Variants in TENT2 observed in about 807,000 individuals in gnomAD.
TENT2 encodes the protein poly(A) RNA polymerase GLD2.
Under a neutral mutation model 72.2 loss-of-function variants are expected in TENT2, and 44 were observed. The ratio of observed to expected loss-of-function variants is 0.61; its 90% CI spans 0.48 to 0.78. TENT2 has a LOEUF of 0.78. TENT2 is among the 30% of genes least tolerant of loss of function. The pLI is 0.00. For missense variants in TENT2, 541 were observed against 569.6 expected (o/e 0.95, Z 0.51); for synonymous variants, 212 against 192.5 (o/e 1.10, Z -0.84).
chr5:79,642,829 C>T lies in TENT2; in HGVS notation c.673-3C>T, dbSNP rs768988602. The T allele has an allele frequency of 1.7e-5, 27 of 1,604,332 alleles. No homozygotes were observed. The Admixed American group carries it at 4.6e-4, about 27-fold the overall frequency. ...AAAAAACACTTTATTTTTAACTTTT[C>T]AGTGTTTTTTTCAGGTAAATCAGAA... On this transcript the variant is annotated splice_region_variant and splice_polypyrimidine_tract_variant and intron_variant, in intron 6 of 14. Coordinates refer to ENST00000453514, the MANE Select transcript of TENT2 (RefSeq NM_001114394.3).
intron 7 of TENT2, 194 bp downstream of exon 7, chr5:79,643,104 A>G (rs1561509657): frequency 2.1e-6 from 1 of 470,574 alleles, no homozygotes; most frequent in East Asian, 1.5e-4. Context: ...TCTTTATTGC[A>G]CTTACTGCAA....
chr5:79,623,512 T>G, intron 4 of TENT2, 23 bp downstream of exon 4: 1 of 1,499,836 alleles, frequency 6.7e-7, no homozygotes. Context: ...TAGATTTTAG[T>G]TTTGCCTTTT....
At chr5:79,656,033 G>A (rs970292586) in intron 10 of TENT2, among the ~76,000 whole-genome samples, 3 of 151,882 alleles carry the variant, frequency 2.0e-5, no homozygotes, top group Middle Eastern at 3.4e-3. Context: ...GAATTAATAT[G>A]CTTTGTTATT....
intron 6 of TENT2, among the ~76,000 whole-genome samples, chr5:79,642,177 AT>A (rs1459430891): frequency 6.6e-6 from 1 of 152,054 alleles, no homozygotes; most frequent in Non-Finnish European, 1.5e-5. Flanking sequence ...GTTAATGTAT[AT>A]TTTTACTATT....
At chr5:79,659,949 A>G (rs1185126928) in intron 11 of TENT2, among the ~76,000 whole-genome samples, 1 of 152,032 alleles carries the variant, frequency 6.6e-6, no homozygotes, top group Non-Finnish European at 1.5e-5. Context: ...TAAGTTAACA[A>G]CAACGAAAAA....
intron 10 of TENT2, among the ~76,000 whole-genome samples, chr5:79,655,433 C>G (rs912150736): frequency 3.3e-5 from 5 of 151,942 alleles, no homozygotes; most frequent in Non-Finnish European, 7.4e-5. Context: ...TTCTAATTCT[C>G]TATAATCTTC....
chr5:79,684,038 A>G (rs1019991266), intron 14 of TENT2, among the ~76,000 whole-genome samples: 1 of 151,958 alleles, frequency 6.6e-6, no homozygotes, highest in African/African-American at 2.4e-5. Context: ...TAGCAATGCT[A>G]CATTGGTGTT....
At chr5:79,648,483 A>C in intron 8 of TENT2, 134 bp from the exon 9 acceptor site, 2 of 612,104 alleles carry the variant, frequency 3.3e-6, no homozygotes, top group South Asian at 2.4e-5. Flanking sequence ...TCATTTTAAA[A>C]ACACAGATCT....
intron 12 of TENT2, among the ~76,000 whole-genome samples, chr5:79,673,190 A>G (rs1180516538): frequency 1.3e-5 from 2 of 152,164 alleles, no homozygotes; most frequent in African/African-American, 2.4e-5. Context: ...TATTCTGCCT[A>G]TTAATCCTTT....
intron 9 of TENT2, 88 bp downstream of exon 9, chr5:79,648,781 A>G (rs1580429517): frequency 1.9e-6 from 2 of 1,031,262 alleles, no homozygotes; most frequent in East Asian, 5.0e-5. Context: ...ACATCTCTTT[A>G]GTTGTGTTTA....
intron 10 of TENT2, among the ~76,000 whole-genome samples, chr5:79,650,297 A>T (rs570602454): frequency 6.6e-6 from 1 of 152,142 alleles, no homozygotes; most frequent in Non-Finnish European, 1.5e-5. Context: ...TGAACAACAT[A>T]CAAAAACAAT....
chr5:79,686,744 C>A lies in TENT2; in HGVS notation c.*1471C>A, dbSNP rs1379381356. On this transcript the variant is annotated 3_prime_UTR_variant, in exon 15 of 15. Transcript: ENST00000453514. ...TGAACTAAATCTACTTATTAGCCAG[C>A]TAACGACATCAATATCTTATGTCTC... 6.6e-6 allele frequency: 1 copy of A among 152,052 alleles called. No individual in the cohort carries two copies. Among genetic ancestry groups the A allele is most frequent in the East Asian group, 1.9e-4 (1 of 5,196 alleles). 9.4% of individuals were successfully genotyped at this position (152,052 alleles called of 1,614,324 possible).
chr5:79,651,377 T>G (rs1314020047), intron 10 of TENT2, among the ~76,000 whole-genome samples: 1 of 151,890 alleles, frequency 6.6e-6, no homozygotes, highest in Non-Finnish European at 1.5e-5. Context: ...ACTTTTAGAT[T>G]TCAAGGAAAG....
rs1825755881 is a variant in TENT2, at chr5:79,685,464, G to A, written c.*191G>A. The A allele has an allele frequency of 2.4e-6, 1 of 416,270 alleles. No homozygotes were observed. The highest frequency in any genetic ancestry group is 4.2e-6 in the Non-Finnish European group (1 of 239,402). 25.8% of individuals were successfully genotyped at this position (416,270 alleles called of 1,614,324 possible). On this transcript the variant is annotated 3_prime_UTR_variant, in exon 15 of 15. Coordinates refer to ENST00000453514, the MANE Select transcript of TENT2 (RefSeq NM_001114394.3). ...TAATAAACCCCTTTGATTTAAAAAT[G>A]TATTTTTAAAAATGTTTACATTGAT...
At chr5:79,672,920 ACCAGCAGG>A (rs1366571361) in intron 12 of TENT2, among the ~76,000 whole-genome samples, 3 of 152,194 alleles carry the variant, frequency 2.0e-5, no homozygotes, top group Non-Finnish European at 2.9e-5. Flanking sequence ...TTACATTCCC[ACCAGCAGG>A]GTATGAGGGT....
At chr5:79,671,023 A>G (rs1812614460) in intron 12 of TENT2, among the ~76,000 whole-genome samples, 3 of 152,118 alleles carry the variant, frequency 2.0e-5, no homozygotes, top group Admixed American at 1.3e-4. Context: ...AAAAGGATTC[A>G]CAGAACAAAG....
At chr5:79,668,299 C>T (rs1260943512) in intron 11 of TENT2, among the ~76,000 whole-genome samples, 1 of 151,980 alleles carries the variant, frequency 6.6e-6, no homozygotes, top group African/African-American at 2.4e-5. Flanking sequence ...GTCTCATTTT[C>T]CCTGCCTTCT....
chr5:79,641,452 A>G (rs1305628729), intron 6 of TENT2, among the ~76,000 whole-genome samples: 1 of 148,536 alleles, frequency 6.7e-6, no homozygotes, highest in African/African-American at 2.5e-5. Context: ...TTTTTTTTTC[A>G]AGAGCTCTAC....
chr5:79,646,765 T>G (rs1388696246), intron 8 of TENT2, among the ~76,000 whole-genome samples: 1 of 145,026 alleles, frequency 6.9e-6, no homozygotes, highest in East Asian at 2.0e-4. Context: ...TTTTTGTTCC[T>G]AAGCTTTTTT....
Sources: gnomAD v4.1 joint callset for allele counts (sites outside exome capture counted in the v4.1 genomes callset) on GRCh38, gnomAD v4.1.1 for gene constraint, MANE v1.5 for transcripts, NCBI Gene and HGNC (gene_info 2026-07-23, HGNC 2026-07-21) for gene names.